DAB1: variants seen among roughly 807,000 people sequenced by gnomAD.
The protein encoded by DAB1 is DAB adaptor protein 1.
DAB1 carries 15 observed loss-of-function variants against 64.6 expected under a neutral mutation model. That is an observed-to-expected ratio of 0.23 (90% CI 0.16 to 0.36). The LOEUF is 0.36. Among genes scored for constraint, DAB1 ranks in the 10% least tolerant of loss-of-function variants. DAB1 has a pLI of 1.00. For missense variants in DAB1, 596 were observed against 706.7 expected (o/e 0.84, Z 1.78); for synonymous variants, 235 against 251.9 (o/e 0.93, Z 0.64).
At chr1:57,444,659 G>A (rs1378724791) in intron 7 of DAB1, among the ~76,000 whole-genome samples, 1 of 152,190 alleles carries the variant, frequency 6.6e-6, no homozygotes, top group Non-Finnish European at 1.5e-5. Context: ...GAAACAGAGA[G>A]AAGAGGAAGA....
chr1:58,489,409 T>C (rs779718584), intron 3 of DAB1, among the ~76,000 whole-genome samples: 10 of 152,300 alleles, frequency 6.6e-5, no homozygotes, highest in Non-Finnish European at 5.9e-5. Flanking sequence ...GTGCCTGCCA[T>C]TGCCGAGGCT....
chr1:57,177,721 G>T (rs1662478178), intron 2 of DAB1, among the ~76,000 whole-genome samples: 1 of 152,008 alleles, frequency 6.6e-6, no homozygotes, highest in South Asian at 2.1e-4. Context: ...ATTTTGTTTT[G>T]GTTTGGTTTT....
intron 4 of DAB1, among the ~76,000 whole-genome samples, chr1:58,172,587 A>G (rs1656237413): frequency 6.6e-6 from 1 of 152,242 alleles, no homozygotes; most frequent in African/African-American, 2.4e-5. Context: ...CCAATTGAGC[A>G]TGACTGCCAA....
At chr1:58,546,421 T>C (rs913571482) in intron 1 of DAB1, among the ~76,000 whole-genome samples, 2 of 151,964 alleles carry the variant, frequency 1.3e-5, no homozygotes, top group Non-Finnish European at 2.9e-5. Flanking sequence ...ACACACGGGG[T>C]CACCGGCGTG....
chr1:57,444,457 G>A (rs1396300925), intron 7 of DAB1, among the ~76,000 whole-genome samples: 1 of 152,106 alleles, frequency 6.6e-6, no homozygotes, highest in Admixed American at 6.5e-5. Flanking sequence ...TTTTGTGTTT[G>A]TTTGGTCACT....
chr1:57,124,804 C>T (rs1359412113), intron 4 of DAB1, among the ~76,000 whole-genome samples: 1 of 152,050 alleles, frequency 6.6e-6, no homozygotes, highest in African/African-American at 2.4e-5. Context: ...ACAGAAGCTG[C>T]CTAGGGCTGA....
rs182014621 is a variant in DAB1, at chr1:58,100,011, G to C, written n.387+50500C>G. 1.9e-3 allele frequency among the ~76,000 whole-genome samples: 288 copies of C among 152,122 alleles called. 2 individuals carry two copies. Among genetic ancestry groups the C allele is most frequent in the African/African-American group, 6.8e-3 (283 of 41,492 alleles). ...AATTCCTTCCATTTAAACATAACTT[G>C]CTTATCACCACCCTGACACTTCTTT... On this transcript the variant is annotated intron_variant and non_coding_transcript_variant, in intron 5 of 20. Transcript: ENST00000485760.
intron 1 of DAB1, among the ~76,000 whole-genome samples, chr1:57,328,423 G>T (rs1676366425): frequency 6.6e-6 from 1 of 152,126 alleles, no homozygotes. Flanking sequence ...GATGAGAGAT[G>T]CCCACTCTGG....
chr1:57,823,559 G>T (rs1652217746), downstream of DAB1, among the ~76,000 whole-genome samples: 1 of 152,132 alleles, frequency 6.6e-6, no homozygotes, highest in African/African-American at 2.4e-5. Context: ...AATCAAGCAG[G>T]ATGTGGCTAA....
chr1:57,378,998 G>T (rs2100963386), intron 1 of DAB1, among the ~76,000 whole-genome samples: 1 of 152,288 alleles, frequency 6.6e-6, no homozygotes, highest in African/African-American at 2.4e-5. Flanking sequence ...CTAGCTTCTA[G>T]ATGCTACCTC....
intron 5 of DAB1, among the ~76,000 whole-genome samples, chr1:58,124,932 C>T (rs1331293604): frequency 1.3e-5 from 2 of 151,998 alleles, no homozygotes; most frequent in Non-Finnish European, 2.9e-5. Context: ...AACAACATGG[C>T]GTTAACAGAT....
At chr1:58,535,650 C>CTGGACATGAA (rs1481352640) in intron 1 of DAB1, among the ~76,000 whole-genome samples, 4 of 149,564 alleles carry the variant, frequency 2.7e-5, no homozygotes, top group Admixed American at 1.3e-4. Flanking sequence ...AGTGAGGCTA[C>CTGGACATGAA]TGGACATGAA....
At chr1:58,108,902 G>A (rs1651814594) in intron 5 of DAB1, among the ~76,000 whole-genome samples, 1 of 152,134 alleles carries the variant, frequency 6.6e-6, no homozygotes, top group Non-Finnish European at 1.5e-5. Context: ...GGTGTCTTTT[G>A]GGGCCTCAAA....
At chr1:57,142,068 G>T (rs1421757737) in intron 3 of DAB1, among the ~76,000 whole-genome samples, 1 of 152,098 alleles carries the variant, frequency 6.6e-6, no homozygotes, top group East Asian at 1.9e-4. Context: ...ATGTGAAAAT[G>T]CTTTATGGAT....
intron 1 of DAB1, among the ~76,000 whole-genome samples, chr1:57,837,368 T>G (rs1019808422): frequency 6.6e-6 from 1 of 152,178 alleles, no homozygotes; most frequent in Non-Finnish European, 1.5e-5. Flanking sequence ...TCTAGTCCTC[T>G]CACCATTCTA....
intron 3 of DAB1, among the ~76,000 whole-genome samples, chr1:58,500,003 C>T (rs1275679307): frequency 6.6e-6 from 1 of 152,054 alleles, no homozygotes; most frequent in Non-Finnish European, 1.5e-5. Context: ...AGAGAGTCTT[C>T]ACGACTGGAT....
chr1:58,017,036 T>C (rs79046257), intron 5 of DAB1, among the ~76,000 whole-genome samples: 16,594 of 152,104 alleles, frequency 0.11, 1,040 homozygotes, highest in East Asian at 0.21. Flanking sequence ...CTCTTGCCCA[T>C]GGTCATGGTG....
At chr1:58,105,533 C>T (rs766335930) in intron 5 of DAB1, among the ~76,000 whole-genome samples, 7 of 152,104 alleles carry the variant, frequency 4.6e-5, no homozygotes, top group Non-Finnish European at 8.8e-5. Flanking sequence ...CTTGAATTGG[C>T]CCCCTACTAT....
At chr1:57,168,934 T>C (rs1317050783) in intron 2 of DAB1, among the ~76,000 whole-genome samples, 1 of 152,092 alleles carries the variant, frequency 6.6e-6, no homozygotes, top group Non-Finnish European at 1.5e-5. Flanking sequence ...GCATGTGCCA[T>C]AGTCCCAGCT....
Sources: allele counts gnomAD v4.1 joint callset (sites outside exome capture counted in the v4.1 genomes callset), GRCh38; gene constraint gnomAD v4.1.1; transcripts MANE v1.5; gene names NCBI Gene and HGNC (gene_info 2026-07-23, HGNC 2026-07-21).